The following CLDN16 variants were observed in gnomAD, a reference collection of about 807,000 sequenced individuals.
CLDN16 encodes claudin-16.
CLDN16 carries 13 observed loss-of-function variants against 24.6 expected under a neutral mutation model. The observed-to-expected ratio is 0.53, with a 90% CI of 0.34 to 0.84. The LOEUF is 0.84. Ranked by LOEUF, CLDN16 falls within the 40% of genes least tolerant of loss-of-function variation. CLDN16 has a pLI of 0.01. For missense variants in CLDN16, 298 were observed against 292.7 expected (o/e 1.02, Z -0.13); for synonymous variants, 116 against 106.7 (o/e 1.09, Z -0.54).
intron 1 of CLDN16, among the ~76,000 whole-genome samples, chr3:190,392,158 G>C (rs1189894770): frequency 6.7e-6 from 1 of 149,506 alleles, no homozygotes; most frequent in Non-Finnish European, 1.5e-5. Context: ...CACTTCTCCA[G>C]ACATTTCCAT....
At chr3:190,383,164 T>C (rs1251122692), upstream of CLDN16, among the ~76,000 whole-genome samples, 2 of 151,968 alleles carry the variant, frequency 1.3e-5, no homozygotes, top group African/African-American at 2.4e-5. Flanking sequence ...TCTCTCCCTT[T>C]CAAAACAAAC....
At chr3:190,351,569 C>A (rs149198035) in intron 1 of CLDN16, among the ~76,000 whole-genome samples, 28 of 152,182 alleles carry the variant, frequency 1.8e-4, no homozygotes, top group African/African-American at 6.0e-4. Flanking sequence ...CAGTGACTGC[C>A]ATTTAGTAAA....
intron 1 of CLDN16, among the ~76,000 whole-genome samples, chr3:190,335,023 C>CTTTT (rs57744577): frequency 7.4e-6 from 1 of 134,332 alleles, no homozygotes; most frequent in Admixed American, 7.5e-5. Context: ...TTTCTTTTTT[C>CTTTT]TTTTTTTTTT....
intron 3 of CLDN16, among the ~76,000 whole-genome samples, chr3:190,407,588 AC>A (rs1315773635): frequency 2.6e-5 from 4 of 152,224 alleles, no homozygotes; most frequent in Admixed American, 2.0e-4. Context: ...TGCAATTTAT[AC>A]CTTTAAAATA....
exon 2 of CLDN16, chr3:190,370,900 C>G (rs934159661): frequency 6.6e-6 from 1 of 151,554 alleles, no homozygotes; most frequent in Non-Finnish European, 1.5e-5. Flanking sequence ...TAGATGATTC[C>G]TGCCCTCAAA....
intron 1 of CLDN16, among the ~76,000 whole-genome samples, chr3:190,326,340 C>G (rs899681072): frequency 2.6e-5 from 4 of 152,192 alleles, no homozygotes; most frequent in Non-Finnish European, 4.4e-5. Context: ...CTGTTACAGT[C>G]CCACTGAATG....
chr3:190,367,512 A>G (rs573847466), intron 1 of CLDN16, among the ~76,000 whole-genome samples: 1 of 152,112 alleles, frequency 6.6e-6, no homozygotes, highest in Admixed American at 6.5e-5. Flanking sequence ...AGGAAGGAAT[A>G]TATAATATAT....
At chr3:190,380,236 C>G (rs200510234) in intron 3 of CLDN16, among the ~76,000 whole-genome samples, 602 of 4,000 alleles carry the variant, frequency 0.15, 29 homozygotes, top group East Asian at 0.29. Flanking sequence ...TTTCTTCCTT[C>G]CCTCCCTTCC....
At chr3:190,404,447 C>T (rs771777352) in intron 2 of CLDN16, among the ~76,000 whole-genome samples, 1 of 152,166 alleles carries the variant, frequency 6.6e-6, no homozygotes, top group Non-Finnish European at 1.5e-5. Context: ...GTGAATGAGA[C>T]ATTTTCCAGA....
intron 1 of CLDN16, among the ~76,000 whole-genome samples, chr3:190,328,996 A>G (rs1317086098): frequency 6.6e-6 from 1 of 152,174 alleles, no homozygotes; most frequent in Non-Finnish European, 1.5e-5. Context: ...ATGCATAGGT[A>G]GTGCACAACG....
the CLDN16 span, among the ~76,000 whole-genome samples, chr3:190,309,184 T>G: frequency 6.6e-6 from 1 of 152,182 alleles, no homozygotes; most frequent in South Asian, 2.1e-4. Context: ...CCTGCCTCAA[T>G]AGACTGCTTT....
At chr3:190,351,093 T>C (rs985695398) in intron 1 of CLDN16, among the ~76,000 whole-genome samples, 2 of 151,986 alleles carry the variant, frequency 1.3e-5, no homozygotes, top group African/African-American at 4.8e-5. Flanking sequence ...AATCCGGTTG[T>C]GTAAAAGACT....
At chr3:190,324,060 T>A (rs889764353) in intron 1 of CLDN16, among the ~76,000 whole-genome samples, 1 of 152,162 alleles carries the variant, frequency 6.6e-6, no homozygotes, top group Non-Finnish European at 1.5e-5. Flanking sequence ...TTGTAAAAAT[T>A]CCCTGATCAG....
chr3:190,355,997 T>C (rs986181691), intron 1 of CLDN16, among the ~76,000 whole-genome samples: 10 of 151,882 alleles, frequency 6.6e-5, no homozygotes, highest in African/African-American at 2.4e-4. Flanking sequence ...CACTAAAAAC[T>C]GAACTGAGCC....
At chr3:190,345,979 A>G (rs925681659) in intron 1 of CLDN16, among the ~76,000 whole-genome samples, 1 of 152,140 alleles carries the variant, frequency 6.6e-6, no homozygotes, top group African/African-American at 2.4e-5. Context: ...CCCAAATAAC[A>G]AGACTCTTGT....
chr3:190,311,075 A>G, the CLDN16 span, among the ~76,000 whole-genome samples: 2 of 152,172 alleles, frequency 1.3e-5, no homozygotes, highest in Non-Finnish European at 2.9e-5. Context: ...ACATGGTCCA[A>G]TGTAATTGCC....
intron 1 of CLDN16, among the ~76,000 whole-genome samples, chr3:190,370,278 T>C (rs984235664): frequency 6.6e-6 from 1 of 152,000 alleles, no homozygotes; most frequent in African/African-American, 2.4e-5. Context: ...TTCCATATAA[T>C]CCTGAAAGTT....
intron 3 of CLDN16, among the ~76,000 whole-genome samples, chr3:190,381,139 G>T (rs549865193): frequency 6.6e-6 from 1 of 152,060 alleles, no homozygotes; most frequent in Non-Finnish European, 1.5e-5. Context: ...AGGTGACGCC[G>T]GTGCAGTGCA....
chr3:190,362,522 T>C (rs1834294), intron 1 of CLDN16, among the ~76,000 whole-genome samples: 133,708 of 151,888 alleles, frequency 0.88, 58,869 homozygotes, highest in East Asian at 0.94. Flanking sequence ...ATTTGAGTAA[T>C]AATAAAACTC....
Sources: gnomAD v4.1 joint callset for allele counts (sites outside exome capture counted in the v4.1 genomes callset) on GRCh38, gnomAD v4.1.1 for gene constraint, MANE v1.5 for transcripts, NCBI Gene and HGNC (gene_info 2026-07-23, HGNC 2026-07-21) for gene names.